Variants in RIF1 observed in about 807,000 individuals in gnomAD.
RIF1 encodes replication timing regulatory factor 1.
A neutral mutation model predicts 247.1 loss-of-function variants in RIF1; 45 were observed. That is an observed-to-expected ratio of 0.18 (90% CI 0.14 to 0.23). RIF1 has a LOEUF of 0.23. Among genes scored for constraint, RIF1 ranks in the 10% least tolerant of loss-of-function variants. The pLI is 1.00. For synonymous variants in RIF1, 1,087 were observed against 978.8 expected (o/e 1.11, Z -2.06); for missense variants, 2,967 against 2,862.5 (o/e 1.04, Z -0.83).
Position 151,451,632 on chromosome 2 carries a change from T to A in RIF1, c.2271T>A (p.Ile757=). 1 of 1,462,550 alleles carries A rather than the reference T, an allele frequency of 6.8e-7. No homozygotes were observed. Among genetic ancestry groups the A allele is most frequent in the Non-Finnish European group, 9.6e-7 (1 of 1,043,370 alleles). The allele number at this position is 1,462,550 out of a possible 1,614,324, so 90.6% of individuals were successfully genotyped here. Residue 757 remains isoleucine, a synonymous_variant, in exon 21 of 36, where the codon ATT becomes ATA. Transcript: ENST00000444746. ...ATTTGTTGTTCGTGGATAGAATTATTTATATTATTACTGTAATGGTTGATT... is the reference window on the plus strand; with the variant it reads ...ATTTGTTGTTCGTGGATAGAATTATATATATTATTACTGTAATGGTTGATT... ...FSNLLFVDRI[I]YIITVMVDCI...
chr2:151,443,236 A>G, intron 16 of RIF1, 23 bp from the exon 17 acceptor site: 1 of 1,413,734 alleles, frequency 7.1e-7, no homozygotes, highest in Admixed American at 1.9e-5. Context: ...AACTGAGAAG[A>G]TTGACTTCAT....
At chr2:151,437,397 G>T in intron 13 of RIF1, 46 bp downstream of exon 13, 1 of 1,490,628 alleles carries the variant, frequency 6.7e-7, no homozygotes, top group Non-Finnish European at 9.3e-7. Context: ...TGTTTAAAAA[G>T]AAGAAAAAAT....
At position 151,458,869 on chromosome 2, in the gene RIF1, G is replaced by T. The variant is rs777417255; in HGVS notation, c.2914G>T (p.Val972Phe). 2.5e-6 allele frequency: 4 copies of T among 1,613,142 alleles called. No individual in the cohort carries two copies. The highest frequency in any genetic ancestry group is 2.5e-6 in the Non-Finnish European group (3 of 1,179,376). Residue 972 changes from valine to phenylalanine, a missense_variant, in exon 25 of 36, where the codon GTT becomes TTT. By Grantham distance (50) the Val-to-Phe change is conservative. Coordinates refer to ENST00000444746, the MANE Select transcript of RIF1 (RefSeq NM_018151.5). ...FLLLLPGLET[V>F]EMMEESSGPY... ...GCTCCTGTTGCCTGGTTTGGAAACTGTTGAAATGATGGAGGAATCCAGTGG... is the reference window on the plus strand; with the variant it reads ...GCTCCTGTTGCCTGGTTTGGAAACTTTTGAAATGATGGAGGAATCCAGTGG...
chr2:151,488,221 A>C (rs1371190975), intron 9 of RIF1, among the ~76,000 whole-genome samples: 1 of 152,016 alleles, frequency 6.6e-6, no homozygotes, highest in Non-Finnish European at 1.5e-5. Flanking sequence ...TATGCTGTAA[A>C]TGTTTTCTCC....
intron 9 of RIF1, among the ~76,000 whole-genome samples, chr2:151,432,239 A>T (rs561203457): frequency 6.6e-6 from 1 of 152,210 alleles, no homozygotes; most frequent in South Asian, 2.1e-4. Context: ...CAAACTCCTG[A>T]CCTCAAGTGA....
At chr2:151,462,830 C>T (rs868154492) in intron 29 of RIF1, 54 bp from the exon 30 acceptor site, 9 of 1,334,456 alleles carry the variant, frequency 6.7e-6, no homozygotes, top group South Asian at 3.1e-5. Flanking sequence ...AAGTCAAACT[C>T]GTTTGCTGGT....
At chr2:151,503,497 TAGC>T in intron 12 of RIF1, 1 of 1,207,328 alleles carries the variant, frequency 8.3e-7, no homozygotes. Flanking sequence ...ATCCTTTAGA[TAGC>T]AGCCACATGT....
chr2:151,493,812 A>G, intron 9 of RIF1: 2 of 1,587,732 alleles, frequency 1.3e-6, no homozygotes, highest in East Asian at 2.3e-5. Context: ...CACTCTTTCC[A>G]TCTCAGGAGT....
chr2:151,426,845 C>G (rs1417334153), intron 8 of RIF1, among the ~76,000 whole-genome samples: 4 of 151,480 alleles, frequency 2.6e-5, no homozygotes, highest in Admixed American at 2.6e-4. Flanking sequence ...TGGGGTTTTA[C>G]CATGTTGGCC....
At chr2:151,442,804 G>A (rs1183400217) in intron 16 of RIF1, among the ~76,000 whole-genome samples, 1 of 132,018 alleles carries the variant, frequency 7.6e-6, no homozygotes, top group Non-Finnish European at 1.6e-5. Flanking sequence ...GACAGAGTCA[G>A]GCTGTTGCGC....
chr2:151,497,135 G>A (rs2060768878), intron 10 of RIF1: 3 of 1,397,546 alleles, frequency 2.1e-6, no homozygotes, highest in Non-Finnish European at 2.9e-6. Context: ...ACAAAACACA[G>A]TTGTCCAAGG....
At chr2:151,447,604 G>A in intron 20 of RIF1, among the ~76,000 whole-genome samples, 1 of 152,148 alleles carries the variant, frequency 6.6e-6, no homozygotes, top group East Asian at 1.9e-4. Flanking sequence ...TGAGTGCAGT[G>A]GCACGATCTC....
intron 10 of RIF1, among the ~76,000 whole-genome samples, chr2:151,498,669 A>G (rs116216525): frequency 0.015 from 2,266 of 152,314 alleles, 79 homozygotes; most frequent in East Asian, 0.14. Flanking sequence ...GAGGGAAAAA[A>G]GTAGAAACAG....
intron 8 of RIF1, chr2:151,423,887 C>G (rs932115702): frequency 6.6e-6 from 1 of 152,124 alleles, no homozygotes; most frequent in African/African-American, 2.4e-5. Flanking sequence ...GTAAGCATCA[C>G]CACTATCTAT....
In RIF1 at chr2:151,504,729, T is replaced by C. The variant is rs148843950; in HGVS notation, c.*862-1481T>C. Reference sequence around the variant, plus strand: ...AGCCAACACCTGCCTAGAATCTGCGTATGGATGGGAAAAGGGGTGGGTGCA... The same window carrying C: ...AGCCAACACCTGCCTAGAATCTGCGCATGGATGGGAAAAGGGGTGGGTGCA... On this transcript the variant is annotated intron_variant and NMD_transcript_variant, in intron 12 of 13. Coordinates refer to the RIF1 transcript ENST00000454583. Among the ~76,000 whole-genome samples the C allele has an allele frequency of 1.4e-4, 22 of 152,270 alleles. No individual in the cohort carries two copies. In the East Asian group the frequency reaches 3.7e-3, roughly 25 times the overall value.
rs763994156 is a variant in RIF1 at position 151,458,825 on chromosome 2, A to G, written c.2870A>G (p.Gln957Arg). The change falls in exon 25 of 36, where the codon CAA becomes CGA. Residue 957 changes from glutamine (Q) to arginine (R), a missense_variant. By Grantham distance (43) the Gln-to-Arg change is conservative. Coordinates refer to ENST00000444746, the MANE Select transcript of RIF1 (RefSeq NM_018151.5). ...CTTTTTTAAAGACCAGTACTAACAC[A>G]AGCCAAACAAAAATTTCTGCTCCTG... The part of the protein sequence containing the change: ...YPEELKPVLT[Q>R]AKQKFLLLLP... 1 of 1,611,376 alleles carries G rather than the reference A, an allele frequency of 6.2e-7. No individual in the cohort carries two copies. Among genetic ancestry groups the G allele is most frequent in the South Asian group, 1.1e-5 (1 of 90,890 alleles).
rs755531585 is a variant in RIF1, at chr2:151,465,856, A to G, written c.6336A>G (p.Glu2112=). The G allele has an allele frequency of 5.6e-6, 9 of 1,613,248 alleles. No homozygotes were observed. Among genetic ancestry groups the G allele is most frequent in the Non-Finnish European group, 7.6e-6 (9 of 1,179,282 alleles). ...TAATGGAAAGTGATATTTTACAGGA[A>G]GATCACCATACTTCACAGAAAGTGG... ...QMVMESDILQ[E]DHHTSQKVEE... Residue 2112 remains glutamate, a synonymous_variant, in exon 30 of 36, where the codon GAA becomes GAG. Transcript: ENST00000444746.
At position 151,475,476 on chromosome 2, in the gene RIF1, T is replaced by C. The variant is rs1012640394; in HGVS notation, c.*405T>C. 1 of 178,508 alleles carries C rather than the reference T, an allele frequency of 5.6e-6. No homozygotes were observed. The highest frequency in any genetic ancestry group is 2.4e-5 in the African/African-American group (1 of 41,506). The allele number at this position is 178,508 out of a possible 1,614,324, so 11.1% of individuals were successfully genotyped here. ...TGAACTGATAAAGGTGTTTATATTT[T>C]TGTTTGTTGGTTTGTTTAATTCATG... On this transcript the variant is annotated 3_prime_UTR_variant, in exon 36 of 36. Coordinates refer to ENST00000444746, the MANE Select transcript of RIF1 (RefSeq NM_018151.5).
intron 35 of RIF1, among the ~76,000 whole-genome samples, chr2:151,474,291 CT>C (rs1199483642): frequency 6.6e-6 from 1 of 152,182 alleles, no homozygotes; most frequent in Non-Finnish European, 1.5e-5. Context: ...AAACTATACA[CT>C]TTCTCTTCTA....
Sources: allele counts gnomAD v4.1 joint callset (sites outside exome capture counted in the v4.1 genomes callset), GRCh38; gene constraint gnomAD v4.1.1; transcripts MANE v1.5; gene names NCBI Gene and HGNC (gene_info 2026-07-23, HGNC 2026-07-21).